IL10: variants seen among roughly 807,000 people sequenced by gnomAD.
IL10 encodes interleukin-10.
Under a neutral mutation model 21.0 loss-of-function variants are expected in IL10, and 7 were observed. That is an observed-to-expected ratio of 0.33 (90% CI 0.19 to 0.63). The LOEUF (loss-of-function observed/expected upper bound fraction) is 0.63. Ranked by LOEUF, IL10 falls within the 20% of genes least tolerant of loss-of-function variation. IL10 has a pLI of 0.77. For missense variants in IL10, 161 were observed against 213.0 expected (o/e 0.76, Z 1.52); for synonymous variants, 83 against 79.7 (o/e 1.04, Z -0.22).
rs2102436715 is a variant in IL10 at position 206,768,684 on chromosome 1, G to A, written c.489C>T (p.Ile163=). 1 of 1,611,128 alleles carries A rather than the reference G, an allele frequency of 6.2e-7. No individual in the cohort carries two copies. Among genetic ancestry groups the A allele is most frequent in the South Asian group, 1.1e-5 (1 of 90,982 alleles). ...GIYKAMSEFD[I]FINYIEAYMT... ...TGTAGGCTTCTATGTAGTTGATGAAGATGTCAAACTCACTCATGGCTTTGT... is the reference window on the plus strand; with the variant it reads ...TGTAGGCTTCTATGTAGTTGATGAAAATGTCAAACTCACTCATGGCTTTGT... Residue 163 remains isoleucine (I), a synonymous_variant, in exon 5 of 5, where the codon ATC becomes ATT. Coordinates refer to ENST00000423557, the MANE Select transcript of IL10 (RefSeq NM_000572.3).
At chr1:206,769,215 A>C (rs1291574498) in intron 4 of IL10, among the ~76,000 whole-genome samples, 1 of 152,230 alleles carries the variant, frequency 6.6e-6, no homozygotes, top group Non-Finnish European at 1.5e-5. Context: ...CCAGCCCACG[A>C]GGAGGACATA....
intron 4 of IL10, 43 bp from the exon 5 acceptor site, chr1:206,768,771 G>A (rs537430561): frequency 8.1e-7 from 1 of 1,235,546 alleles, no homozygotes; most frequent in African/African-American, 1.5e-5. Context: ...ATCCTTTCTG[G>A]GGACTAAATA....
At position 206,772,331 on chromosome 1, in the gene IL10, G is replaced by C; in HGVS notation, c.105C>G (p.Gly35=). 1 of 1,614,218 alleles carries C rather than the reference G, an allele frequency of 6.2e-7. No individual in the cohort carries two copies. Among genetic ancestry groups the C allele is most frequent in the Non-Finnish European group, 8.5e-7 (1 of 1,180,008 alleles). Residue 35 remains glycine, a synonymous_variant, in exon 1 of 5, where the codon GGC becomes GGG. Coordinates refer to ENST00000423557, the MANE Select transcript of IL10 (RefSeq NM_000572.3). ...GATCTCGAAGCATGTTAGGCAGGTT[G>C]CCTGGGAAGTGGGTGCAGCTGTTCT... ...QSENSCTHFP[G]NLPNMLRDLR...
At chr1:206,769,052 C>T (rs1156733989) in intron 4 of IL10, among the ~76,000 whole-genome samples, 1 of 152,170 alleles carries the variant, frequency 6.6e-6, no homozygotes, top group East Asian at 1.9e-4. Flanking sequence ...TTAGAGGAAG[C>T]GCTTCGAAAG....
intron 4 of IL10, among the ~76,000 whole-genome samples, 195 bp from the exon 5 acceptor site, chr1:206,768,923 C>T (rs757029841): frequency 7.9e-5 from 12 of 152,244 alleles, no homozygotes; most frequent in Middle Eastern, 6.8e-3. Flanking sequence ...TCCTCCAGGC[C>T]TCCCCCTAGC....
chr1:206,770,656 A>T, intron 3 of IL10: 1 of 550,656 alleles, frequency 1.8e-6, no homozygotes, highest in Non-Finnish European at 3.3e-6. Flanking sequence ...AGTAGTTAAT[A>T]ACCCACAAAT....
In IL10 at chr1:206,771,374, G is replaced by T; in HGVS notation, c.207C>A (p.Ser69=). The T allele has an allele frequency of 1.2e-6, 2 of 1,613,826 alleles. No homozygotes were observed. The highest frequency in any genetic ancestry group is 1.7e-6 in the Non-Finnish European group (2 of 1,179,880). ...CTCTCACCTTAAAGTCCTCCAGCAAGGACTCCTTTAACAACAAGTTGTCCA... is the reference window on the plus strand; with the variant it reads ...CTCTCACCTTAAAGTCCTCCAGCAATGACTCCTTTAACAACAAGTTGTCCA... ...DQLDNLLLKE[S]LLEDFKGYLG... The change falls in exon 2 of 5, where the codon TCC becomes TCA. Residue 69 remains serine (S), a synonymous_variant. Coordinates refer to ENST00000423557, the MANE Select transcript of IL10 (RefSeq NM_000572.3).
chr1:206,771,048 A>T lies in IL10; in HGVS notation c.237T>A (p.Gly79=). 6.2e-7 allele frequency: 1 copy of T among 1,614,108 alleles called. No individual in the cohort carries two copies. Among genetic ancestry groups the T allele is most frequent in the African/African-American group, 1.3e-5 (1 of 75,014 alleles). ...GGATCATCTCAGACAAGGCTTGGCA[A>T]CCCAGGTAACCCTAAGGGCAGGAGC... ...SLLEDFKGYL[G]CQALSEMIQF... Residue 79 remains glycine, a synonymous_variant, in exon 3 of 5, where the codon GGT becomes GGA. Coordinates refer to ENST00000423557, the MANE Select transcript of IL10 (RefSeq NM_000572.3).
At chr1:206,770,291 C>T (rs1298453522) in intron 3 of IL10, 3 of 354,256 alleles carry the variant, frequency 8.5e-6, no homozygotes, top group Admixed American at 3.8e-5. Flanking sequence ...AAACCCTTCA[C>T]ATAGCCTTGT....
intron 1 of IL10, 64 bp downstream of exon 1, chr1:206,772,207 C>T (rs1479802873): frequency 6.9e-7 from 1 of 1,450,772 alleles, no homozygotes. Flanking sequence ...CTTATAGTTC[C>T]AGGAGAATGT....
chr1:206,768,799 C>T, intron 4 of IL10, 71 bp from the exon 5 acceptor site: 1 of 902,976 alleles, frequency 1.1e-6, no homozygotes, highest in Non-Finnish European at 1.9e-6. Context: ...CTCCCTCATG[C>T]TCATGGATGG....
At chr1:206,769,590 A>G (rs1285256522) in intron 4 of IL10, 1 of 591,318 alleles carries the variant, frequency 1.7e-6, no homozygotes, top group Non-Finnish European at 3.0e-6. Flanking sequence ...CCTAACCCGC[A>G]AGCCTGCAAA....
chr1:206,769,581 C>A, intron 4 of IL10: 1 of 584,018 alleles, frequency 1.7e-6, no homozygotes, highest in Non-Finnish European at 3.1e-6. Flanking sequence ...GCCGGCCAGC[C>A]TAACCCGCAA....
At position 206,768,666 on chromosome 1, in the gene IL10, T is replaced by C. The variant is rs568879359; in HGVS notation, c.507A>G (p.Glu169=). 1.2e-6 allele frequency: 2 copies of C among 1,608,056 alleles called. No individual in the cohort carries two copies. The highest frequency in any genetic ancestry group is 2.7e-5 in the African/African-American group (2 of 74,784). Residue 169 remains glutamate (E), a synonymous_variant, in exon 5 of 5, where the codon GAA becomes GAG. Coordinates refer to ENST00000423557, the MANE Select transcript of IL10 (RefSeq NM_000572.3). ...TTCGTATCTTCATTGTCATGTAGGC[T>C]TCTATGTAGTTGATGAAGATGTCAA... ...SEFDIFINYI[E]AYMTMKIRN
chr1:206,768,500 G>C lies in IL10; in HGVS notation c.*136C>G. 1.5e-6 allele frequency: 1 copy of C among 663,380 alleles called. No individual in the cohort carries two copies. The highest frequency in any genetic ancestry group is 2.7e-6 in the Non-Finnish European group (1 of 364,844). The allele number at this position is 663,380 out of a possible 1,614,324, so 41.1% of individuals were successfully genotyped here. On this transcript the variant is annotated 3_prime_UTR_variant, in exon 5 of 5. Transcript: ENST00000423557. ...AATAGAAATGGGGGTTGAGGTATCA[G>C]AGGTAATAAATATTCTATAAGAGAG...
Position 206,768,396 on chromosome 1 carries a change from A to C in IL10, c.*240T>G. 3 of 478,346 alleles carry C rather than the reference A, an allele frequency of 6.3e-6. No individual in the cohort carries two copies. The South Asian group carries it at 7.4e-5, about 12-fold the overall frequency. 29.6% of individuals were successfully genotyped at this position (478,346 alleles called of 1,614,324 possible). A position where few individuals can be genotyped will look rare whatever the true frequency, so the allele number is the denominator to read the frequency against. ...CACCCTATGGAAACAGCTTAAAAAC[A>C]GGTGAAAATAATAAATATTGAAAAA... On this transcript the variant is annotated 3_prime_UTR_variant, in exon 5 of 5. Transcript: ENST00000423557.
chr1:206,771,258 GC>G, intron 2 of IL10, 97 bp downstream of exon 2: 1 of 1,266,802 alleles, frequency 7.9e-7, no homozygotes. Flanking sequence ...CCTTTTCAAA[GC>G]GAAGGAAACA....
chr1:206,771,459 A>G, intron 1 of IL10, 44 bp from the exon 2 acceptor site: 1 of 1,488,096 alleles, frequency 6.7e-7, no homozygotes, highest in Non-Finnish European at 9.2e-7. Flanking sequence ...GTTTGGGGAA[A>G]TAACTGAAAT....
In IL10 at chr1:206,771,383, T is replaced by C; in HGVS notation, c.198A>G (p.Leu66=). 6.2e-7 allele frequency: 1 copy of C among 1,613,626 alleles called. No individual in the cohort carries two copies. Among genetic ancestry groups the C allele is most frequent in the Non-Finnish European group, 8.5e-7 (1 of 1,179,814 alleles). The change falls in exon 2 of 5, where the codon TTA becomes TTG. Residue 66 remains leucine (L), a synonymous_variant. Transcript: ENST00000423557. ...QMKDQLDNLL[L]KESLLEDFKG... is the part of the protein sequence containing the mutation. ...TAAAGTCCTCCAGCAAGGACTCCTT[T>C]AACAACAAGTTGTCCAGCTGATCCT... is the stretch of plus-strand genomic sequence containing the variant.
Sources: gnomAD v4.1 joint callset for allele counts (sites outside exome capture counted in the v4.1 genomes callset) on GRCh38, gnomAD v4.1.1 for gene constraint, MANE v1.5 for transcripts, NCBI Gene and HGNC (gene_info 2026-07-23, HGNC 2026-07-21) for gene names.